Variants in TP63 observed in about 807,000 individuals in gnomAD.
TP63 encodes tumor protein p63.
Under a neutral mutation model 82.8 loss-of-function variants are expected in TP63, and 17 were observed. The ratio of observed to expected loss-of-function variants is 0.21; its 90% confidence interval spans 0.14 to 0.31. The LOEUF (loss-of-function observed/expected upper bound fraction) is 0.31, where lower values mean the gene tolerates loss of function less well. Ranked by LOEUF, TP63 falls within the 10% of genes least tolerant of loss-of-function variation. TP63 has a pLI of 1.00. For missense variants in TP63, 648 were observed against 895.3 expected (o/e 0.72, Z 3.52); for synonymous variants, 330 against 321.7 (o/e 1.03, Z -0.28).
At chr3:189,759,721 G>A (rs899678769) in intron 3 of TP63, among the ~76,000 whole-genome samples, 6 of 152,154 alleles carry the variant, frequency 3.9e-5, no homozygotes, top group Non-Finnish European at 8.8e-5. Flanking sequence ...GAGTTGTGGA[G>A]GCCACAGTTC....
intron 4 of TP63, among the ~76,000 whole-genome samples, chr3:189,845,330 A>G (rs951378010): frequency 1.3e-5 from 2 of 152,212 alleles, no homozygotes; most frequent in African/African-American, 4.8e-5. Context: ...AATGTCCTTG[A>G]TAGGTTCTTG....
chr3:189,823,831 A>G (rs1729050302), intron 4 of TP63, among the ~76,000 whole-genome samples: 1 of 152,054 alleles, frequency 6.6e-6, no homozygotes, highest in Admixed American at 6.5e-5. Flanking sequence ...TATCATGCAA[A>G]CCGCATGATA....
chr3:189,722,488 A>G (rs1719465168), intron 1 of TP63, among the ~76,000 whole-genome samples: 1 of 152,180 alleles, frequency 6.6e-6, no homozygotes. Flanking sequence ...CCTTCACTTC[A>G]CAGAGGAGGA....
At chr3:189,812,392 GTTTAC>G (rs970005437) in intron 4 of TP63, among the ~76,000 whole-genome samples, 1 of 152,018 alleles carries the variant, frequency 6.6e-6, no homozygotes, top group Non-Finnish European at 1.5e-5. Flanking sequence ...ACAAACCAAC[GTTTAC>G]TTTAGTTTCA....
chr3:189,686,159 A>C (rs1490085730), intron 1 of TP63, among the ~76,000 whole-genome samples: 1 of 152,210 alleles, frequency 6.6e-6, no homozygotes, highest in Non-Finnish European at 1.5e-5. Flanking sequence ...AAAGGAAAGC[A>C]CAGAGGAATG....
At chr3:189,813,207 C>T (rs575170147) in intron 4 of TP63, among the ~76,000 whole-genome samples, 1 of 152,238 alleles carries the variant, frequency 6.6e-6, no homozygotes. Flanking sequence ...TTATGGCAGA[C>T]TCAAGATATT....
intron 3 of TP63, among the ~76,000 whole-genome samples, chr3:189,766,432 G>A (rs1238357958): frequency 1.3e-5 from 2 of 151,448 alleles, no homozygotes; most frequent in African/African-American, 4.9e-5. Context: ...TTTTTTCTGT[G>A]GAGGTGGGGT....
chr3:189,805,485 T>G (rs1726782148), intron 3 of TP63, among the ~76,000 whole-genome samples: 1 of 152,254 alleles, frequency 6.6e-6, no homozygotes. Context: ...GTTAGTCAGG[T>G]AAGTTTTATT....
At chr3:189,604,563 T>A in the TP63 span, among the ~76,000 whole-genome samples, 880 of 152,244 alleles carry the variant, frequency 5.8e-3, 2 homozygotes, top group South Asian at 0.012. Context: ...CTGGAGATAA[T>A]CTCTAGGAAG....
At chr3:189,879,702 T>G (rs1719697325) in intron 10 of TP63, among the ~76,000 whole-genome samples, 1 of 152,218 alleles carries the variant, frequency 6.6e-6, no homozygotes, top group African/African-American at 2.4e-5. Context: ...TGATCTACCT[T>G]ATCTCAGTGG....
At chr3:189,887,800 AG>A (rs966311113) in intron 11 of TP63, among the ~76,000 whole-genome samples, 1 of 151,442 alleles carries the variant, frequency 6.6e-6, no homozygotes, top group African/African-American at 2.4e-5. Context: ...GAAAGAAATC[AG>A]GGGAGGCTAG....
the TP63 span, among the ~76,000 whole-genome samples, chr3:189,624,317 C>G: frequency 1.3e-5 from 2 of 151,938 alleles, no homozygotes; most frequent in Non-Finnish European, 2.9e-5. Flanking sequence ...CCCTGTCACC[C>G]CCACCCCCAT....
At chr3:189,641,497 G>T (rs1711868657) in intron 1 of TP63, among the ~76,000 whole-genome samples, 1 of 151,972 alleles carries the variant, frequency 6.6e-6, no homozygotes, top group South Asian at 2.1e-4. Flanking sequence ...TAAAACAATT[G>T]TTTTCCATGC....
intron 1 of TP63, among the ~76,000 whole-genome samples, chr3:189,694,948 C>G (rs1356994279): frequency 6.6e-6 from 1 of 150,850 alleles, no homozygotes; most frequent in Admixed American, 6.6e-5. Context: ...TGGGATTACA[C>G]ACGCCCGCCA....
intron 10 of TP63, among the ~76,000 whole-genome samples, chr3:189,883,883 G>T (rs556211446): frequency 6.6e-6 from 1 of 150,758 alleles, no homozygotes; most frequent in African/African-American, 2.4e-5. Context: ...ATAAGCTAAA[G>T]AAAGCAGGAG....
rs114890183 is a variant in TP63 at position 189,673,793 on chromosome 3, T to C, written c.62+42216T>C. 2.4e-3 allele frequency among the ~76,000 whole-genome samples: 364 copies of C among 152,280 alleles called. 2 individuals carry two copies. The highest frequency in any genetic ancestry group is 8.4e-3 in the African/African-American group (351 of 41,578). The stretch of plus-strand genomic sequence containing the variant: ...TGCAATTTACTTAGCTTAAACTCAG[T>C]TTCTAATTCTTTGTCATCATTCATA... On this transcript the variant is annotated intron_variant, in intron 1 of 13. Transcript: ENST00000264731.
intron 1 of TP63, among the ~76,000 whole-genome samples, chr3:189,692,792 C>A (rs929566922): frequency 6.6e-6 from 1 of 152,136 alleles, no homozygotes; most frequent in Non-Finnish European, 1.5e-5. Context: ...CTGCTCACAG[C>A]TATGAGTGGC....
chr3:189,818,985 A>C (rs982726992), intron 4 of TP63, among the ~76,000 whole-genome samples: 1 of 152,200 alleles, frequency 6.6e-6, no homozygotes, highest in African/African-American at 2.4e-5. Flanking sequence ...CACCTTTCTT[A>C]TAACCTTTCT....
At chr3:189,824,834 T>TAAA (rs75963451) in intron 4 of TP63, among the ~76,000 whole-genome samples, 1 of 138,752 alleles carries the variant, frequency 7.2e-6, no homozygotes, top group Non-Finnish European at 1.6e-5. Flanking sequence ...TTTGTAGGTT[T>TAAA]AAAAAAAAAA....
Sources: allele counts gnomAD v4.1 joint callset (sites outside exome capture counted in the v4.1 genomes callset), GRCh38; gene constraint gnomAD v4.1.1; transcripts MANE v1.5; gene names NCBI Gene and HGNC (gene_info 2026-07-23, HGNC 2026-07-21).